The following TIAM1 variants were observed in gnomAD, a reference collection of about 807,000 sequenced individuals.
The protein encoded by TIAM1 is TIAM Rac1 associated GEF 1.
A neutral mutation model predicts 163.5 loss-of-function variants in TIAM1; 65 were observed. The ratio of observed to expected loss-of-function variants is 0.40; its 90% confidence interval spans 0.33 to 0.49. The LOEUF (loss-of-function observed/expected upper bound fraction) is 0.49. Ranked by LOEUF, TIAM1 falls within the 20% of genes least tolerant of loss-of-function variation. The probability of loss-of-function intolerance (pLI) is 0.77; values close to 1 mark genes in which losing one functional copy is unlikely to be tolerated. For missense variants in TIAM1, 1,789 were observed against 2,044.7 expected (o/e 0.87, Z 2.41); for synonymous variants, 833 against 810.1 (o/e 1.03, Z -0.48).
chr21:31,315,679 CAA>C (rs58560437), intron 2 of TIAM1, among the ~76,000 whole-genome samples: 37,726 of 79,560 alleles, frequency 0.47, 6,936 homozygotes, highest in South Asian at 0.61. Context: ...AACTCCATCT[CAA>C]AAAAAAAAAA....
At chr21:31,503,604 G>GGGAGAGGAGGGGAGGGGAGAGGAGT (rs1426842262) in intron 1 of TIAM1, among the ~76,000 whole-genome samples, 1 of 1,426 alleles carries the variant, frequency 7.0e-4, no homozygotes, top group Non-Finnish European at 1.2e-3. Context: ...GGGAGGGGAG[G>GGGAGAGGAGGGGAGGGGAGAGGAGT]GGAGGGGAGG....
chr21:31,539,695 G>A (rs968312253), intron 1 of TIAM1, among the ~76,000 whole-genome samples: 12 of 152,194 alleles, frequency 7.9e-5, no homozygotes, highest in Non-Finnish European at 1.5e-4. Flanking sequence ...GGCAGACGCA[G>A]AATTCAGGGG....
chr21:31,303,689 A>G (rs1007830784), intron 2 of TIAM1, among the ~76,000 whole-genome samples: 16 of 152,150 alleles, frequency 1.1e-4, no homozygotes, highest in Non-Finnish European at 1.8e-4. Flanking sequence ...AAAAGAAAAC[A>G]AAAAGTGGTC....
intron 2 of TIAM1, among the ~76,000 whole-genome samples, chr21:31,293,536 G>A (rs559104168): frequency 1.3e-5 from 2 of 152,296 alleles, no homozygotes; most frequent in Non-Finnish European, 1.5e-5. Context: ...ATTAGCCAAA[G>A]GAAGAAAGAG....
At chr21:31,321,614 G>C (rs1469795934) in intron 2 of TIAM1, among the ~76,000 whole-genome samples, 1 of 151,440 alleles carries the variant, frequency 6.6e-6, no homozygotes, top group Non-Finnish European at 1.5e-5. Context: ...GCCTCCCAAA[G>C]TGTTGGGATT....
intron 1 of TIAM1, among the ~76,000 whole-genome samples, chr21:31,554,967 T>G (rs979964346): frequency 1.1e-4 from 16 of 152,128 alleles, no homozygotes; most frequent in African/African-American, 3.4e-4. Context: ...GAAGGTCTTA[T>G]GCTGGAGGGT....
At chr21:31,121,683 C>T (rs1449793375) in intron 27 of TIAM1, among the ~76,000 whole-genome samples, 1 of 152,162 alleles carries the variant, frequency 6.6e-6, no homozygotes, top group Non-Finnish European at 1.5e-5. Flanking sequence ...CCGATGACAT[C>T]CAAGCAGTTT....
rs530723888 is a variant in TIAM1, at chr21:31,520,077, T to C, written c.-422+38850A>G. ...CCGGGCGCGGTGGCCACGCCTTGAA[T>C]CCCAGCACTCTGGGAGGCTGAGGCA... On this transcript the variant is annotated intron_variant, in intron 1 of 28. Transcript: ENST00000286827. 3.9e-4 allele frequency among the ~76,000 whole-genome samples: 60 copies of C among 152,238 alleles called. No individual in the cohort carries two copies. In the East Asian group the frequency reaches 0.011, roughly 27 times the overall value.
chr21:31,322,640 C>A lies in TIAM1; in HGVS notation c.-189+16603G>T, dbSNP rs932214073. The stretch of plus-strand genomic sequence containing the variant: ...TGGGTGTTTCTACTTTTGCCACTGC[C>A]TGTCTCTGTGTCACGATGCATTGAC... On this transcript the variant is annotated intron_variant, in intron 2 of 27. Transcript: ENST00000541036. Among the ~76,000 whole-genome samples the A allele has an allele frequency of 2.0e-5, 3 of 152,356 alleles. No individual in the cohort carries two copies. In the East Asian group the frequency reaches 5.8e-4, roughly 29 times the overall value.
At chr21:31,359,427 T>C (rs1569263062) in intron 2 of TIAM1, among the ~76,000 whole-genome samples, 1 of 151,802 alleles carries the variant, frequency 6.6e-6, no homozygotes, top group Non-Finnish European at 1.5e-5. Context: ...CTTCACAAGA[T>C]TAGGTTGGCA....
chr21:31,245,567 A>G lies in TIAM1; in HGVS notation c.1505T>C (p.Val502Ala). 3.1e-6 allele frequency: 5 copies of G among 1,608,242 alleles called. No individual in the cohort carries two copies. The highest frequency in any genetic ancestry group is 4.2e-6 in the Non-Finnish European group (5 of 1,177,458). ...CTTGGGGTGCTCAGGCACCGCCTGC[A>G]CAATGCTGTTCTCCACCCAGACGGC... ...KHAVWVENSIVQAVPEHPKKD... is the reference protein window; with the variant it reads ...KHAVWVENSIAQAVPEHPKKD... Residue 502 changes from valine (V) to alanine (A), a missense_variant, in exon 6 of 28, where the codon GTG becomes GCG. By Grantham distance (64) the Val-to-Ala change is moderately conservative (BLOSUM62 0). Around this residue, in one of 5 missense-constraint regions of TIAM1, gnomAD observed 456 missense variants for 586.6 expected, o/e 0.78. Coordinates refer to ENST00000541036, the MANE Select transcript of TIAM1 (RefSeq NM_001353694.2).
At chr21:31,166,853 T>C (rs976812563) in intron 15 of TIAM1, among the ~76,000 whole-genome samples, 6 of 152,244 alleles carry the variant, frequency 3.9e-5, no homozygotes, top group South Asian at 2.1e-4. Context: ...GCAACAGCAC[T>C]CAGTGCTCTG....
At chr21:31,309,076 GA>G (rs1292635883) in intron 2 of TIAM1, among the ~76,000 whole-genome samples, 4 of 152,164 alleles carry the variant, frequency 2.6e-5, no homozygotes, top group African/African-American at 9.7e-5. Context: ...AATTCTGTGG[GA>G]GGGGGAAAAA....
chr21:31,159,060 C>G (rs1231654937), intron 16 of TIAM1, among the ~76,000 whole-genome samples: 2 of 152,258 alleles, frequency 1.3e-5, no homozygotes, highest in Middle Eastern at 3.4e-3. Context: ...AAGGGGAAGG[C>G]AGACCAGGTT....
chr21:31,396,675 C>T (rs181829507), intron 2 of TIAM1, among the ~76,000 whole-genome samples: 1 of 150,936 alleles, frequency 6.6e-6, no homozygotes, highest in Non-Finnish European at 1.5e-5. Flanking sequence ...TTGGGCCAGG[C>T]GCGGTGGCTC....
intron 2 of TIAM1, among the ~76,000 whole-genome samples, chr21:31,374,278 G>T (rs73902322): frequency 8.1e-4 from 123 of 152,240 alleles, no homozygotes; most frequent in African/African-American, 2.8e-3. Flanking sequence ...CTGGTAAGAA[G>T]AGGATGGGAA....
intron 2 of TIAM1, among the ~76,000 whole-genome samples, chr21:31,382,607 G>T (rs1052263010): frequency 6.6e-6 from 1 of 152,168 alleles, no homozygotes; most frequent in Non-Finnish European, 1.5e-5. Context: ...CAATTAATGA[G>T]ACGGATGTAG....
intron 2 of TIAM1, among the ~76,000 whole-genome samples, chr21:31,396,098 T>C (rs2077063723): frequency 6.6e-6 from 1 of 152,210 alleles, no homozygotes; most frequent in Non-Finnish European, 1.5e-5. Context: ...ATGGGAATTG[T>C]AATCAAAGTA....
At chr21:31,352,587 C>G (rs140543577) in intron 2 of TIAM1, among the ~76,000 whole-genome samples, 8 of 148,898 alleles carry the variant, frequency 5.4e-5, no homozygotes, top group African/African-American at 1.7e-4. Flanking sequence ...TACAGTGGCT[C>G]ATGCCTAAAA....
Sources: gnomAD v4.1 joint callset for allele counts (sites outside exome capture counted in the v4.1 genomes callset) on GRCh38, gnomAD v4.1.1 for gene constraint, gnomAD v4.1.1 regional missense constraint, MANE v1.5 for transcripts, NCBI Gene and HGNC (gene_info 2026-07-23, HGNC 2026-07-21) for gene names.